CCDC171: variants seen among roughly 807,000 people sequenced by gnomAD.
The protein encoded by CCDC171 is coiled-coil domain-containing protein 171.
A neutral mutation model predicts 168.2 loss-of-function variants in CCDC171; 177 were observed. The observed-to-expected ratio is 1.05, with a 90% CI of 0.93 to 1.19. CCDC171 has a LOEUF of 1.19. Ranked by LOEUF, CCDC171 falls within the 50% of genes most tolerant of loss-of-function variation. The pLI, the probability that CCDC171 is intolerant of heterozygous loss-of-function variation, is 0.00. For missense variants in CCDC171, 1,991 were observed against 1,539.0 expected, an observed-to-expected ratio of 1.29 and a Z score of -4.91; for synonymous variants, 687 against 540.8, an observed-to-expected ratio of 1.27 and a Z score of -3.75.
chr9:15,562,489 A>T (rs78001526), intron 1 of CCDC171, among the ~76,000 whole-genome samples: 3,294 of 152,216 alleles, frequency 0.022, 128 homozygotes, highest in African/African-American at 0.076. Flanking sequence ...GACCATTCAG[A>T]TTTGAAGATG....
chr9:15,947,955 C>T (rs1413134162), intron 25 of CCDC171, among the ~76,000 whole-genome samples: 1 of 151,666 alleles, frequency 6.6e-6, no homozygotes, highest in Non-Finnish European at 1.5e-5. Context: ...GGGTATATCT[C>T]CCAATGCTAT....
intron 11 of CCDC171, among the ~76,000 whole-genome samples, chr9:15,700,737 C>T (rs1195582515): frequency 6.6e-6 from 1 of 152,144 alleles, no homozygotes; most frequent in Non-Finnish European, 1.5e-5. Flanking sequence ...CCTCCCACTT[C>T]ATCCTCCTGA....
chr9:15,822,475 A>G (rs963592291), intron 21 of CCDC171, among the ~76,000 whole-genome samples: 1 of 152,184 alleles, frequency 6.6e-6, no homozygotes, highest in Non-Finnish European at 1.5e-5. Context: ...ATGAACTCAA[A>G]CAAATTTACA....
rs370642829 is a variant in CCDC171, at chr9:15,594,189, C to T, written c.675+17C>T. The T allele has an allele frequency of 3.0e-5, 37 of 1,244,420 alleles. No individual in the cohort carries two copies. The highest frequency in any genetic ancestry group is 4.0e-5 in the Non-Finnish European group (35 of 875,780). The allele number at this position is 1,244,420 out of a possible 1,614,324, so 77.1% of individuals were successfully genotyped here. A position where few individuals can be genotyped will look rare whatever the true frequency, so the allele number is the denominator to read the frequency against. The stretch of plus-strand genomic sequence containing the variant: ...ATAGTACAGGTATTTTAAAAATAAT[C>T]AGTTCCTTAAATATATATTTTTAAT... On this transcript the variant is annotated intron_variant, in intron 6 of 25. Transcript: ENST00000380701.
chr9:15,596,399 G>A (rs1267190695), intron 6 of CCDC171, among the ~76,000 whole-genome samples: 2 of 151,950 alleles, frequency 1.3e-5, no homozygotes, highest in Non-Finnish European at 2.9e-5. Flanking sequence ...TATTAAATAG[G>A]GAATCCTTTC....
chr9:16,078,594 T>C, the CCDC171 span, among the ~76,000 whole-genome samples: 1 of 152,234 alleles, frequency 6.6e-6, no homozygotes, highest in African/African-American at 2.4e-5. Flanking sequence ...TCTTCAATAC[T>C]TAGCACTGTG....
the CCDC171 span, among the ~76,000 whole-genome samples, chr9:16,090,954 T>G: frequency 1.2e-3 from 187 of 152,310 alleles, no homozygotes; most frequent in South Asian, 5.6e-3. Flanking sequence ...GACCATATCT[T>G]TTTTCCACCC....
At chr9:15,862,167 C>CT (rs1158725908) in intron 23 of CCDC171, among the ~76,000 whole-genome samples, 2 of 72,008 alleles carry the variant, frequency 2.8e-5, no homozygotes, top group Admixed American at 1.8e-4. Context: ...TAAAAATTCT[C>CT]TTTTTTTGAA....
intron 21 of CCDC171, among the ~76,000 whole-genome samples, chr9:15,830,855 C>T (rs999061877): frequency 6.6e-6 from 1 of 151,972 alleles, no homozygotes; most frequent in African/African-American, 2.4e-5. Flanking sequence ...AACATAGAGA[C>T]CCTGTTGAAG....
chr9:15,889,206 C>T (rs1272120426), intron 24 of CCDC171: 1 of 151,936 alleles, frequency 6.6e-6, no homozygotes, highest in Non-Finnish European at 1.5e-5. Context: ...AATGATCCAC[C>T]TGCCTCGGCC....
chr9:15,905,040 C>G (rs545598683), intron 24 of CCDC171, among the ~76,000 whole-genome samples: 36 of 149,062 alleles, frequency 2.4e-4, no homozygotes, highest in African/African-American at 8.4e-4. Flanking sequence ...TAGAGACCTA[C>G]AAAGAGACTT....
chr9:16,057,623 C>T, intron 1 of CCDC171, among the ~76,000 whole-genome samples: 1 of 152,182 alleles, frequency 6.6e-6, no homozygotes, highest in Non-Finnish European at 1.5e-5. Context: ...AACCCTTGTC[C>T]CTTGTCTCTT....
intron 7 of CCDC171, among the ~76,000 whole-genome samples, chr9:15,638,493 T>G (rs2046364018): frequency 6.6e-6 from 1 of 152,020 alleles, no homozygotes; most frequent in Non-Finnish European, 1.5e-5. Context: ...GAAGAAGTTG[T>G]TAAAATTTTA....
chr9:16,018,752 TG>T (rs1205520850), intron 3 of CCDC171, among the ~76,000 whole-genome samples: 3 of 152,206 alleles, frequency 2.0e-5, no homozygotes, highest in African/African-American at 7.2e-5. Context: ...CTACTTTTTT[TG>T]TTAGACTAAT....
At chr9:15,636,822 A>G (rs2046235691) in intron 7 of CCDC171, among the ~76,000 whole-genome samples, 1 of 151,198 alleles carries the variant, frequency 6.6e-6, no homozygotes, top group Non-Finnish European at 1.5e-5. Flanking sequence ...AAGATCACTT[A>G]GAAGTCACTT....
the CCDC171 span, among the ~76,000 whole-genome samples, chr9:16,098,033 A>G: frequency 6.6e-6 from 1 of 152,210 alleles, no homozygotes; most frequent in East Asian, 1.9e-4. Context: ...CCGAGCTTTA[A>G]AGGGAAAGAG....
chr9:15,637,249 C>T (rs560370465), intron 7 of CCDC171, among the ~76,000 whole-genome samples: 5 of 152,156 alleles, frequency 3.3e-5, no homozygotes, highest in Non-Finnish European at 5.9e-5. Context: ...GAGCAAGACT[C>T]TATCTCAAAA....
chr9:15,749,143 CAA>C (rs144579400), intron 18 of CCDC171, among the ~76,000 whole-genome samples: 143 of 136,888 alleles, frequency 1.0e-3, no homozygotes, highest in Middle Eastern at 3.9e-3. Context: ...AAATGGAAAG[CAA>C]AAAAAAAAAA....
Position 15,816,479 on chromosome 9 carries a change from CATT to C in CCDC171, c.3268-30219_3268-30217del, listed in dbSNP as rs1346894296. Among the ~76,000 whole-genome samples, 4 of 118,212 alleles carry C rather than the reference CATT, an allele frequency of 3.4e-5. 1 individual carries two copies. The highest frequency in any genetic ancestry group is 3.2e-4 in the Admixed American group (4 of 12,538). 77.6% of individuals were successfully genotyped at this position (118,212 alleles called of 152,430 possible). A position where few individuals can be genotyped will look rare whatever the true frequency, so the allele number is the denominator to read the frequency against. On this transcript the variant is annotated intron_variant, in intron 21 of 25. Coordinates refer to ENST00000380701, the MANE Select transcript of CCDC171 (RefSeq NM_173550.4). ...ATCTTGTTTTTGAGGCATGCAGTGA[CATT>C]ATTTTTACTTATATTTTCGAAGAAT...
Sources: gnomAD v4.1 joint callset for allele counts (sites outside exome capture counted in the v4.1 genomes callset) on GRCh38, gnomAD v4.1.1 for gene constraint, MANE v1.5 for transcripts, NCBI Gene and HGNC (gene_info 2026-07-23, HGNC 2026-07-21) for gene names.